CREB3L3: variants seen among roughly 807,000 people sequenced by gnomAD.
CREB3L3 encodes the protein cAMP responsive element binding protein 3 like 3.
In CREB3L3, 40 loss-of-function variants were observed where a neutral mutation model predicts 44.6. The observed-to-expected ratio is 0.90, with a 90% CI of 0.70 to 1.17. CREB3L3 has a LOEUF of 1.17. CREB3L3 is among the 50% of genes most tolerant of loss of function. CREB3L3 has a pLI of 0.00. For missense variants in CREB3L3, 578 were observed against 595.8 expected, an observed-to-expected ratio of 0.97 and a Z score of 0.31; for synonymous variants, 273 against 256.3, an observed-to-expected ratio of 1.06 and a Z score of -0.62.
intron 5 of CREB3L3, among the ~76,000 whole-genome samples, chr19:4,167,538 AAGGGAGGG>A (rs373774926): frequency 2.3e-5 from 3 of 129,616 alleles, no homozygotes; most frequent in East Asian, 2.4e-4. Context: ...GAAAGGAAGG[AAGGGAGGG>A]AGGGAGGGAG....
chr19:4,158,597 C>T (rs539363205), intron 3 of CREB3L3, among the ~76,000 whole-genome samples: 47 of 152,132 alleles, frequency 3.1e-4, no homozygotes, highest in African/African-American at 1.0e-3. Context: ...GTCAAGAGAT[C>T]GAGACCATCC....
At chr19:4,166,561 G>A (rs568243416) in intron 5 of CREB3L3, among the ~76,000 whole-genome samples, 2 of 146,494 alleles carry the variant, frequency 1.4e-5, no homozygotes, top group Admixed American at 1.3e-4. Flanking sequence ...ACTGCGCCCA[G>A]CATTTTTTTT....
chr19:4,169,083 C>T (rs1311523755), intron 6 of CREB3L3, among the ~76,000 whole-genome samples: 2 of 152,192 alleles, frequency 1.3e-5, no homozygotes, highest in East Asian at 3.9e-4. Context: ...CATCTTTATC[C>T]AGGGTCATTC....
chr19:4,170,018 T>A (rs561277337), intron 6 of CREB3L3, 122 bp from the exon 7 acceptor site: 68 of 928,754 alleles, frequency 7.3e-5, no homozygotes, highest in African/African-American at 6.5e-4. Context: ...CTTGGATGAA[T>A]GACTTCCCCT....
chr19:4,162,132 G>C (rs1010850259), intron 4 of CREB3L3, among the ~76,000 whole-genome samples: 3 of 151,972 alleles, frequency 2.0e-5, no homozygotes, highest in African/African-American at 7.3e-5. Context: ...TCAGCCCCCA[G>C]GTAGCTAGGA....
In CREB3L3 at chr19:4,170,201, C is replaced by G; in HGVS notation, c.883C>G (p.Gln295Glu). 1 of 1,614,088 alleles carries G rather than the reference C, an allele frequency of 6.2e-7. No homozygotes were observed. The highest frequency in any genetic ancestry group is 2.2e-5 in the East Asian group (1 of 44,868). The change falls in exon 7 of 10, where the codon CAA (glutamine) becomes GAA (glutamate). Residue 295 changes from glutamine to glutamate, a missense_variant. Transcript: ENST00000078445. Reference sequence around the variant, plus strand: ...GAGGAAAGTCTTGCATCTCGAGAAGCAAAACCTGTGAGTCTGGGTCCAGCT... The same window carrying G: ...GAGGAAAGTCTTGCATCTCGAGAAGGAAAACCTGTGAGTCTGGGTCCAGCT... The part of the protein sequence containing the change: ...LQRKVLHLEK[Q>E]NLSLLEQLKK...
Position 4,172,037 on chromosome 19 carries a change from C to T in CREB3L3, c.*68C>T. On this transcript the variant is annotated 3_prime_UTR_variant, in exon 10 of 10. Coordinates refer to ENST00000078445, the MANE Select transcript of CREB3L3 (RefSeq NM_032607.3). ...GCCTTGGGGATGCTGCACTGGGCAG[C>T]TACCCACCTGGGGATGGGACGTGAG... The T allele has an allele frequency of 6.9e-7, 1 of 1,446,082 alleles. No individual in the cohort carries two copies. The highest frequency in any genetic ancestry group is 9.2e-7 in the Non-Finnish European group (1 of 1,083,490). The allele number at this position is 1,446,082 out of a possible 1,614,324, so 89.6% of individuals were successfully genotyped here.
intron 2 of CREB3L3, among the ~76,000 whole-genome samples, 165 bp from the exon 3 acceptor site, chr19:4,156,830 G>A (rs2041586485): frequency 6.6e-6 from 1 of 151,534 alleles, no homozygotes; most frequent in South Asian, 2.1e-4. Flanking sequence ...CTATGTTACT[G>A]CGTTTGAGCC....
intron 3 of CREB3L3, among the ~76,000 whole-genome samples, chr19:4,158,196 G>A (rs1274811800): frequency 6.6e-6 from 1 of 151,092 alleles, no homozygotes; most frequent in African/African-American, 2.5e-5. Flanking sequence ...CCATTGGAGA[G>A]TTGACAAAAC....
intron 2 of CREB3L3, among the ~76,000 whole-genome samples, 193 bp from the exon 3 acceptor site, chr19:4,156,802 C>G (rs1000310191): frequency 1.5e-4 from 23 of 152,086 alleles, no homozygotes; most frequent in Admixed American, 1.4e-3. Flanking sequence ...GCACCTGGCA[C>G]TGGCTGGGAT....
At chr19:4,165,180 T>TC (rs1206066761) in intron 5 of CREB3L3, among the ~76,000 whole-genome samples, 1 of 151,828 alleles carries the variant, frequency 6.6e-6, no homozygotes, top group East Asian at 1.9e-4. Context: ...CAAACTTTTT[T>TC]TTTTTTTTGG....
intron 4 of CREB3L3, among the ~76,000 whole-genome samples, chr19:4,161,631 AG>A (rs2041664001): frequency 1.0e-4 from 2 of 19,828 alleles, no homozygotes; most frequent in Non-Finnish European, 2.2e-4. Context: ...GCAGATGAGA[AG>A]GTAGGTCAAG....
intron 4 of CREB3L3, among the ~76,000 whole-genome samples, chr19:4,161,367 T>G (rs350862): frequency 0.67 from 101,841 of 151,770 alleles, 34,475 homozygotes; most frequent in East Asian, 0.9. Flanking sequence ...TCCTGCTTTG[T>G]CCTCTCACAG....
At chr19:4,167,930 C>T (rs1966953292) in intron 5 of CREB3L3, among the ~76,000 whole-genome samples, 2 of 151,796 alleles carry the variant, frequency 1.3e-5, no homozygotes, top group East Asian at 3.9e-4. Context: ...GGGACTGTCG[C>T]ACCATCCCCA....
At chr19:4,164,773 A>C (rs2041704781) in intron 5 of CREB3L3, 133 bp downstream of exon 5, 3 of 1,080,756 alleles carry the variant, frequency 2.8e-6, no homozygotes, top group Non-Finnish European at 4.1e-6. Flanking sequence ...CAGTGGCACG[A>C]TCTCAGCTTG....
chr19:4,172,514 C>T lies in CREB3L3; in HGVS notation c.*545C>T, dbSNP rs1229931152. 1 of 278,226 alleles carries T rather than the reference C, an allele frequency of 3.6e-6. No individual in the cohort carries two copies. The highest frequency in any genetic ancestry group is 7.0e-6 in the Non-Finnish European group (1 of 143,296). The allele number at this position is 278,226 out of a possible 1,614,324, so 17.2% of individuals were successfully genotyped here. ...ACAGCCTGAAACAGACCCGGACAGACAGACAGACACAGCCTGAAACAGACC... is the reference window on the plus strand; with the variant it reads ...ACAGCCTGAAACAGACCCGGACAGATAGACAGACACAGCCTGAAACAGACC... On this transcript the variant is annotated 3_prime_UTR_variant, in exon 10 of 10. Coordinates refer to ENST00000078445, the MANE Select transcript of CREB3L3 (RefSeq NM_032607.3).
chr19:4,156,173 C>T (rs1209013182), intron 2 of CREB3L3, among the ~76,000 whole-genome samples: 3 of 50,392 alleles, frequency 6.0e-5, no homozygotes, highest in African/African-American at 4.9e-4. Context: ...TCCTCCCTTC[C>T]TCCCTTCCTT....
intron 2 of CREB3L3, among the ~76,000 whole-genome samples, 177 bp from the exon 3 acceptor site, chr19:4,156,818 T>C (rs2041586245): frequency 1.3e-5 from 2 of 152,048 alleles, no homozygotes; most frequent in African/African-American, 4.8e-5. Flanking sequence ...GGGATTTTTA[T>C]GCTATGTTAC....
At chr19:4,154,602 G>A (rs1000610942) in intron 1 of CREB3L3, among the ~76,000 whole-genome samples, 2 of 151,998 alleles carry the variant, frequency 1.3e-5, no homozygotes, top group East Asian at 3.9e-4. Context: ...TTGAACTCCT[G>A]GGCTCAAGTG....
Sources: allele counts gnomAD v4.1 joint callset (sites outside exome capture counted in the v4.1 genomes callset), GRCh38; gene constraint gnomAD v4.1.1; transcripts MANE v1.5; gene names NCBI Gene and HGNC (gene_info 2026-07-23, HGNC 2026-07-21).